Variants in TRPC1 observed in about 807,000 individuals in gnomAD.
The protein encoded by TRPC1 is transient receptor potential cation channel subfamily C member 1, also known as short transient receptor potential channel 1.
Under a neutral mutation model 88.2 loss-of-function variants are expected in TRPC1, and 42 were observed. The ratio of observed to expected loss-of-function variants is 0.48; its 90% confidence interval spans 0.37 to 0.62. TRPC1 has a LOEUF of 0.62. TRPC1 is among the 20% of genes least tolerant of loss of function. The probability of loss-of-function intolerance (pLI) is 0.00; values close to 1 mark genes in which losing one functional copy is unlikely to be tolerated. For missense variants in TRPC1, 699 were observed against 957.3 expected (o/e 0.73, Z 3.56); for synonymous variants, 288 against 331.8 (o/e 0.87, Z 1.43).
At chr3:142,731,013 T>C (rs1230754658) in intron 1 of TRPC1, among the ~76,000 whole-genome samples, 1 of 152,230 alleles carries the variant, frequency 6.6e-6, no homozygotes, top group Non-Finnish European at 1.5e-5. Flanking sequence ...CTGTTCTTAA[T>C]CAGTATTGTA....
At chr3:142,727,784 A>G (rs1933743764) in intron 1 of TRPC1, among the ~76,000 whole-genome samples, 2 of 152,198 alleles carry the variant, frequency 1.3e-5, no homozygotes, top group African/African-American at 4.8e-5. Flanking sequence ...CTGACTATAA[A>G]TATGTTGTTT....
intron 6 of TRPC1, among the ~76,000 whole-genome samples, chr3:142,782,713 G>A (rs922277271): frequency 1.3e-5 from 2 of 150,840 alleles, no homozygotes; most frequent in Non-Finnish European, 2.9e-5. Flanking sequence ...TCAGATGGGT[G>A]AGTCCACAGA....
Position 142,806,049 on chromosome 3 carries a change from A to G in TRPC1, c.2196A>G (p.Gln732=). ...AACAGAAGAGAGATGAAAACTATCA[A>G]AAAGTGATGTGCTGCCTAGTGCATC... ...NLKQKRDENY[Q]KVMCCLVHRY... is the part of the protein sequence containing the mutation. Residue 732 remains glutamine (Q), a synonymous_variant, in exon 13 of 13, where the codon CAA becomes CAG. Coordinates refer to ENST00000476941, the MANE Select transcript of TRPC1 (RefSeq NM_001251845.2). 2 of 1,613,874 alleles carry G rather than the reference A, an allele frequency of 1.2e-6. No individual in the cohort carries two copies. The highest frequency in any genetic ancestry group is 1.7e-6 in the Non-Finnish European group (2 of 1,179,812).
chr3:142,742,647 A>C (rs1273817696), intron 2 of TRPC1, among the ~76,000 whole-genome samples: 5 of 152,228 alleles, frequency 3.3e-5, no homozygotes, highest in Admixed American at 1.3e-4. Context: ...TAAAATGTAC[A>C]GATTGAAAAT....
chr3:142,788,307 G>A (rs532061692), intron 7 of TRPC1, among the ~76,000 whole-genome samples: 1 of 151,748 alleles, frequency 6.6e-6, no homozygotes, highest in African/African-American at 2.4e-5. Flanking sequence ...TGGACTTAGG[G>A]TGATTGTGAT....
At chr3:142,805,917 G>T in intron 12 of TRPC1, 91 bp from the exon 13 acceptor site, 3 of 1,109,740 alleles carry the variant, frequency 2.7e-6, no homozygotes, top group Non-Finnish European at 3.9e-6. Flanking sequence ...AGCATTTAAA[G>T]ATGTGTTTGT....
At chr3:142,727,239 CA>C in intron 1 of TRPC1, among the ~76,000 whole-genome samples, 1 of 152,326 alleles carries the variant, frequency 6.6e-6, no homozygotes, top group South Asian at 2.1e-4. Context: ...CAGAGTAAAT[CA>C]ACTCTAGAGT....
At chr3:142,741,710 G>A (rs1934356577) in intron 2 of TRPC1, among the ~76,000 whole-genome samples, 1 of 152,042 alleles carries the variant, frequency 6.6e-6, no homozygotes, top group Non-Finnish European at 1.5e-5. Context: ...AGAATGCTTG[G>A]GTCTGTTTCT....
intron 4 of TRPC1, among the ~76,000 whole-genome samples, chr3:142,768,311 T>G (rs956292171): frequency 6.6e-6 from 1 of 152,096 alleles, no homozygotes; most frequent in African/African-American, 2.4e-5. Flanking sequence ...TCTTTTTCTG[T>G]GTCAGTTTTT....
chr3:142,724,590 C>T lies in TRPC1; in HGVS notation c.31C>T (p.Leu11Phe), dbSNP rs756973365. 5.6e-6 allele frequency: 9 copies of T among 1,598,724 alleles called. No homozygotes were observed. Among genetic ancestry groups the T allele is most frequent in the South Asian group, 4.5e-5 (4 of 88,778 alleles). The change falls in exon 1 of 13, where the codon CTC (leucine) becomes TTC (phenylalanine). Residue 11 changes from leucine (L) to phenylalanine (F), a missense_variant. Transcript: ENST00000476941. This position sits in a 1 kb window ranked among gnomAD's most constrained non-coding sequence, Gnocchi z 5.6. MMAALYPSTD[L>F]SGASSSSLPS... ...GGCGGCCCTGTACCCGAGCACGGAC[C>T]TCTCGGGCGCCTCCTCCTCCTCCCT...
At position 142,806,170 on chromosome 3, in the gene TRPC1, A is replaced by G. The variant is rs1329873997; in HGVS notation, c.2317A>G (p.Asn773Asp). Residue 773 changes from asparagine to aspartate, a missense_variant, in exon 13 of 13, where the codon AAT (asparagine) becomes GAT (aspartate). This residue lies in a region of TRPC1 where 105 missense variants were observed against 141.7 expected (regional missense o/e 0.74). Coordinates refer to ENST00000476941, the MANE Select transcript of TRPC1 (RefSeq NM_001251845.2). Reference sequence around the variant, plus strand: ...GCGCCAAGATCTGTCAAAATTCCGAAATGAAATAAGGGATTTACTTGGCTT... The same window carrying G: ...GCGCCAAGATCTGTCAAAATTCCGAGATGAAATAAGGGATTTACTTGGCTT... ...ELRQDLSKFR[N>D]EIRDLLGFRT... The G allele has an allele frequency of 1.2e-6, 2 of 1,613,636 alleles. No individual in the cohort carries two copies. Among genetic ancestry groups the G allele is most frequent in the African/African-American group, 1.3e-5 (1 of 74,896 alleles).
intron 1 of TRPC1, among the ~76,000 whole-genome samples, chr3:142,730,007 A>G (rs927022030): frequency 2.6e-5 from 4 of 152,162 alleles, no homozygotes; most frequent in African/African-American, 9.7e-5. Flanking sequence ...CTAGATTAAC[A>G]TATTGGCCAG....
At chr3:142,751,632 A>G (rs1934768174) in intron 4 of TRPC1, among the ~76,000 whole-genome samples, 1 of 152,216 alleles carries the variant, frequency 6.6e-6, no homozygotes, top group Non-Finnish European at 1.5e-5. Context: ...TATAATACCT[A>G]CTGTGGAGAA....
rs886318717 is a variant in TRPC1, at chr3:142,807,368, G to A, written c.*1133G>A. Reference sequence around the variant, plus strand: ...TTTTTAAAATTAGAGAATAAAATATGTATTTAAATTTTTGGTGTGTTCACA... The same window carrying A: ...TTTTTAAAATTAGAGAATAAAATATATATTTAAATTTTTGGTGTGTTCACA... On this transcript the variant is annotated 3_prime_UTR_variant, in exon 13 of 13. Transcript: ENST00000476941. The A allele has an allele frequency of 1.3e-5, 2 of 152,108 alleles. No individual in the cohort carries two copies. The highest frequency in any genetic ancestry group is 4.8e-5 in the African/African-American group (2 of 41,426). 9.4% of individuals were successfully genotyped at this position (152,108 alleles called of 1,614,324 possible).
At chr3:142,743,448 C>T in intron 2 of TRPC1, 37 bp from the exon 3 acceptor site, 2 of 1,384,062 alleles carry the variant, frequency 1.4e-6, no homozygotes, top group Non-Finnish European at 9.6e-7. Context: ...ACCTTTTTAT[C>T]TTCCATTTTC....
intron 4 of TRPC1, among the ~76,000 whole-genome samples, chr3:142,769,836 A>G (rs1183127292): frequency 6.6e-6 from 1 of 152,090 alleles, no homozygotes; most frequent in Non-Finnish European, 1.5e-5. Context: ...AGACTTGAGA[A>G]GAGTATATAA....
rs1254614544 is a variant in TRPC1 at position 142,806,726 on chromosome 3, C to CTAT, written c.*493_*495dup. On this transcript the variant is annotated 3_prime_UTR_variant, in exon 13 of 13. Coordinates refer to ENST00000476941, the MANE Select transcript of TRPC1 (RefSeq NM_001251845.2). ...ATTTTATTTTATCTAAAATAATAGT[C>CTAT]TATTTTTTCTTTTGTATTTTGTTAT... 3 of 151,862 alleles carry CTAT rather than the reference C, an allele frequency of 2.0e-5. No homozygotes were observed. Among genetic ancestry groups the CTAT allele is most frequent in the African/African-American group, 7.2e-5 (3 of 41,384 alleles). 9.4% of individuals were successfully genotyped at this position (151,862 alleles called of 1,614,324 possible). A position where few individuals can be genotyped will look rare whatever the true frequency, so the allele number is the denominator to read the frequency against.
In TRPC1 at chr3:142,736,349, A is replaced by G. The variant is rs370065930; in HGVS notation, c.173-30A>G. The G allele has an allele frequency of 6.0e-5, 91 of 1,506,642 alleles. No homozygotes were observed. In the African/African-American group the frequency reaches 1.2e-3, roughly 20 times the overall value. The allele number at this position is 1,506,642 out of a possible 1,614,324, so 93.3% of individuals were successfully genotyped here. On this transcript the variant is annotated intron_variant, in intron 1 of 12. Transcript: ENST00000476941. ...CATCCTTACTTGATATGTCACGGAT[A>G]TTAAATTATGTTTGTATATTGTTAT... is the stretch of plus-strand genomic sequence containing the variant.
intron 3 of TRPC1, among the ~76,000 whole-genome samples, chr3:142,744,929 A>G (rs1163184715): frequency 1.3e-5 from 2 of 152,204 alleles, no homozygotes; most frequent in African/African-American, 4.8e-5. Context: ...AGCAGAAGAA[A>G]AATACTGTTT....
Sources: allele counts gnomAD v4.1 joint callset (sites outside exome capture counted in the v4.1 genomes callset), GRCh38; gene constraint gnomAD v4.1.1; regional missense constraint gnomAD v4.1.1; non-coding constraint Gnocchi (gnomAD v3.1); transcripts MANE v1.5; gene names NCBI Gene and HGNC (gene_info 2026-07-23, HGNC 2026-07-21).